Variants in IHO1 observed in about 807,000 individuals in gnomAD.
The protein encoded by IHO1 is interactor of HORMAD1 protein 1.
IHO1 carries 13 observed loss-of-function variants against 31.0 expected under a neutral mutation model. The ratio of observed to expected loss-of-function variants is 0.42; its 90% confidence interval spans 0.27 to 0.67. The LOEUF is 0.67. Among genes scored for constraint, IHO1 ranks in the 30% least tolerant of loss-of-function variants. IHO1 has a pLI of 0.24. For missense variants in IHO1, 599 were observed against 687.5 expected (o/e 0.87, Z 1.44); for synonymous variants, 221 against 248.4 (o/e 0.89, Z 1.04).
chr3:49,239,845 G>C (rs1483597108), intron 3 of IHO1, among the ~76,000 whole-genome samples: 1 of 151,514 alleles, frequency 6.6e-6, no homozygotes, highest in East Asian at 2.0e-4. Flanking sequence ...ATTTTTAGTA[G>C]AGACGGGGTT....
In IHO1 at chr3:49,255,467, C is replaced by T. The variant is rs2046811171; in HGVS notation, c.610C>T (p.Leu204Phe). ...CAAAGGCAACATGGAGCAGGCCATCCTTGAGATGAAGAAAAGATTTGAAGC... is the reference window on the plus strand; with the variant it reads ...CAAAGGCAACATGGAGCAGGCCATCTTTGAGATGAAGAAAAGATTTGAAGC... The part of the protein sequence containing the change: ...QDKGNMEQAI[L>F]EMKKRFEARQ... The change falls in exon 7 of 8, where the codon CTT becomes TTT. Residue 204 changes from leucine (L) to phenylalanine (F), a missense_variant. Leu to Phe is a conservative substitution (Grantham distance 22). Transcript: ENST00000452691. 6.2e-7 allele frequency: 1 copy of T among 1,602,224 alleles called. No individual in the cohort carries two copies. The highest frequency in any genetic ancestry group is 1.4e-5 in the African/African-American group (1 of 73,898).
At chr3:49,250,803 G>T (rs1193720034) in intron 6 of IHO1, among the ~76,000 whole-genome samples, 1 of 152,032 alleles carries the variant, frequency 6.6e-6, no homozygotes, top group African/African-American at 2.4e-5. Flanking sequence ...AGGCCGAGGC[G>T]GGCAGATCAC....
chr3:49,207,777 C>CT (rs11336926), intron 1 of IHO1, among the ~76,000 whole-genome samples: 225 of 142,424 alleles, frequency 1.6e-3, no homozygotes, highest in African/African-American at 1.8e-3. Flanking sequence ...TATAATATTT[C>CT]TTTTTTTTTT....
chr3:49,229,453 C>A lies in IHO1; in HGVS notation c.57-7095C>A, dbSNP rs553111381. ...GGGGAAATTCAAATTGTTATATCTACTTCTGTTCCCTGGAAAGCAGAGCCA... is the reference window on the plus strand; with the variant it reads ...GGGGAAATTCAAATTGTTATATCTAATTCTGTTCCCTGGAAAGCAGAGCCA... On this transcript the variant is annotated intron_variant, in intron 2 of 7. Coordinates refer to ENST00000452691, the MANE Select transcript of IHO1 (RefSeq NM_001135197.2). Among the ~76,000 whole-genome samples the A allele has an allele frequency of 2.1e-3, 314 of 152,340 alleles. 2 individuals carry two copies. Among genetic ancestry groups the A allele is most frequent in the Admixed American group, 1.0e-2 (153 of 15,304 alleles).
At chr3:49,237,244 A>G (rs1470523098) in intron 3 of IHO1, among the ~76,000 whole-genome samples, 1 of 152,064 alleles carries the variant, frequency 6.6e-6, no homozygotes, top group Non-Finnish European at 1.5e-5. Context: ...GCTACTCGGG[A>G]GGCTGAGGCA....
intron 4 of IHO1, 45 bp downstream of exon 4, chr3:49,241,434 G>C: frequency 6.5e-7 from 1 of 1,530,908 alleles, no homozygotes; most frequent in East Asian, 2.3e-5. Context: ...CCTTTTCTGA[G>C]TAAAACAAGA....
At chr3:49,201,489 A>G (rs1176433054) in intron 1 of IHO1, among the ~76,000 whole-genome samples, 3 of 151,876 alleles carry the variant, frequency 2.0e-5, no homozygotes, top group African/African-American at 7.2e-5. Context: ...CAGGTGTGGT[A>G]GCACACGCCT....
At chr3:49,196,710 A>G (rs1255554044), upstream of IHO1, among the ~76,000 whole-genome samples, 10 of 118,874 alleles carry the variant, frequency 8.4e-5, no homozygotes, top group East Asian at 5.7e-4. Context: ...TCGCTCTGTC[A>G]CCCAGGCTGG....
intron 1 of IHO1, among the ~76,000 whole-genome samples, chr3:49,209,639 A>C (rs2046183232): frequency 6.6e-6 from 1 of 152,120 alleles, no homozygotes; most frequent in African/African-American, 2.4e-5. Context: ...TCATCTAAAA[A>C]AAAAAAAGGC....
intron 3 of IHO1, among the ~76,000 whole-genome samples, chr3:49,238,044 A>G (rs571096504): frequency 6.6e-6 from 1 of 151,732 alleles, no homozygotes; most frequent in Non-Finnish European, 1.5e-5. Context: ...AGCTGGGATT[A>G]TAGGTGTGTG....
intron 1 of IHO1, among the ~76,000 whole-genome samples, chr3:49,201,095 G>T (rs1307460248): frequency 6.6e-6 from 1 of 151,738 alleles, no homozygotes; most frequent in African/African-American, 2.4e-5. Context: ...CCAGGTTCAC[G>T]CCATTCTCCT....
At chr3:49,209,381 T>A (rs2046179983) in intron 1 of IHO1, among the ~76,000 whole-genome samples, 1 of 152,070 alleles carries the variant, frequency 6.6e-6, no homozygotes, top group African/African-American at 2.4e-5. Flanking sequence ...ACGCCTGTAA[T>A]CCCAGCACTT....
intron 2 of IHO1, among the ~76,000 whole-genome samples, chr3:49,235,041 T>G (rs1378743197): frequency 6.6e-6 from 1 of 151,754 alleles, no homozygotes; most frequent in Non-Finnish European, 1.5e-5. Context: ...GAGACAGGGT[T>G]TCACCATGTT....
chr3:49,227,012 A>G (rs181374969), intron 2 of IHO1, among the ~76,000 whole-genome samples: 39 of 152,254 alleles, frequency 2.6e-4, no homozygotes, highest in African/African-American at 8.7e-4. Flanking sequence ...GAGGCTTCTC[A>G]TTAATAGGAA....
At chr3:49,214,617 TA>T (rs1559439734) in intron 2 of IHO1, among the ~76,000 whole-genome samples, 8 of 31,092 alleles carry the variant, frequency 2.6e-4, no homozygotes, top group African/African-American at 6.3e-4. Context: ...CATATATATA[TA>T]TATATATATA....
chr3:49,193,362 A>AC, the IHO1 span, among the ~76,000 whole-genome samples: 1 of 150,840 alleles, frequency 6.6e-6, no homozygotes, highest in Non-Finnish European at 1.5e-5. Context: ...ACAGAATGAG[A>AC]CCCCCATCTC....
upstream of IHO1, among the ~76,000 whole-genome samples, chr3:49,196,513 T>G (rs2045997407): frequency 7.2e-6 from 1 of 139,398 alleles, no homozygotes; most frequent in Non-Finnish European, 1.6e-5. Flanking sequence ...GGTGAAGTCT[T>G]GCTCTGTCGC....
chr3:49,251,490 G>A (rs937559937), intron 6 of IHO1, among the ~76,000 whole-genome samples: 6 of 150,230 alleles, frequency 4.0e-5, no homozygotes, highest in Admixed American at 1.3e-4. Flanking sequence ...TCACCATGTT[G>A]GCCAGGAAGG....
chr3:49,216,580 A>T (rs1348554665), intron 2 of IHO1, among the ~76,000 whole-genome samples: 3 of 152,220 alleles, frequency 2.0e-5, no homozygotes, highest in African/African-American at 7.2e-5. Context: ...GGACATAGGC[A>T]TGGGCAAAGA....
Sources: gnomAD v4.1 joint callset for allele counts (sites outside exome capture counted in the v4.1 genomes callset) on GRCh38, gnomAD v4.1.1 for gene constraint, MANE v1.5 for transcripts, NCBI Gene and HGNC (gene_info 2026-07-23, HGNC 2026-07-21) for gene names.